The following CACNA2D3 variants were observed in gnomAD, a reference collection of about 807,000 sequenced individuals.
CACNA2D3 encodes the protein calcium voltage-gated channel auxiliary subunit alpha2delta 3, also known as voltage-dependent calcium channel subunit alpha-2/delta-3.
A neutral mutation model predicts 160.6 loss-of-function variants in CACNA2D3; 60 were observed. That is an observed-to-expected ratio of 0.37 (90% confidence interval 0.30 to 0.46). CACNA2D3 has a LOEUF of 0.46. Among genes scored for constraint, CACNA2D3 ranks in the 20% least tolerant of loss-of-function variants. CACNA2D3 has a pLI of 1.00. For synonymous variants in CACNA2D3, 558 were observed against 492.9 expected, an observed-to-expected ratio of 1.13 and a Z score of -1.75; for missense variants, 1,205 against 1,365.0, an observed-to-expected ratio of 0.88 and a Z score of 1.85.
chr3:54,199,727 A>G (rs1701144475), intron 2 of CACNA2D3, among the ~76,000 whole-genome samples: 1 of 152,166 alleles, frequency 6.6e-6, no homozygotes, highest in Non-Finnish European at 1.5e-5. Flanking sequence ...ATAGCATGCA[A>G]TTGTTAAAAA....
chr3:54,584,694 A>G (rs1251048327), intron 9 of CACNA2D3, among the ~76,000 whole-genome samples: 2 of 152,222 alleles, frequency 1.3e-5, no homozygotes, highest in African/African-American at 2.4e-5. Flanking sequence ...TGCAAACTCC[A>G]AATAGAATAA....
intron 2 of CACNA2D3, among the ~76,000 whole-genome samples, chr3:54,268,168 A>G (rs1279611178): frequency 1.3e-5 from 2 of 152,228 alleles, no homozygotes; most frequent in Non-Finnish European, 2.9e-5. Context: ...GAAGCAGCTC[A>G]TATGACAAAT....
At chr3:54,910,035 C>T (rs557549875) in intron 27 of CACNA2D3, among the ~76,000 whole-genome samples, 1 of 152,236 alleles carries the variant, frequency 6.6e-6, no homozygotes, top group East Asian at 1.9e-4. Context: ...TTCCCAATGT[C>T]TCCCAAAGTT....
At chr3:54,840,403 C>CTTTTTTT (rs1174129020) in intron 16 of CACNA2D3, among the ~76,000 whole-genome samples, 25 of 73,458 alleles carry the variant, frequency 3.4e-4, no homozygotes, top group East Asian at 9.7e-4. Context: ...AGAACCATGT[C>CTTTTTTT]TTTTTTTTTT....
rs116158804 is a variant in CACNA2D3, at chr3:54,616,468, C to A, written c.964-11319C>A. On this transcript the variant is annotated intron_variant, in intron 9 of 37. Transcript: ENST00000474759. ...GTGATAGAAGCCATAGTGTTACTTA[C>A]AACCTAATCTTGCAGGTGGCATACC... 4.5e-3 allele frequency among the ~76,000 whole-genome samples: 679 copies of A among 152,320 alleles called. 7 individuals are homozygous for A. The highest frequency in any genetic ancestry group is 0.015 in the African/African-American group (637 of 41,566).
At chr3:54,727,049 A>T (rs1175586202) in intron 11 of CACNA2D3, among the ~76,000 whole-genome samples, 1 of 152,156 alleles carries the variant, frequency 6.6e-6, no homozygotes, top group South Asian at 2.1e-4. Context: ...ATCTACAAAG[A>T]ACTGAAATGT....
chr3:54,667,635 G>A (rs1316102733), intron 11 of CACNA2D3, among the ~76,000 whole-genome samples: 2 of 152,076 alleles, frequency 1.3e-5, no homozygotes, highest in East Asian at 3.9e-4. Flanking sequence ...ATGAATATTT[G>A]GACCAGATAT....
At chr3:54,485,241 G>C (rs13082611) in intron 4 of CACNA2D3, among the ~76,000 whole-genome samples, 60,500 of 152,122 alleles carry the variant, frequency 0.4, 12,455 homozygotes, top group Middle Eastern at 0.48. Context: ...CATCATGCTT[G>C]AAGTATTATG....
chr3:54,390,684 G>C (rs989130421), intron 4 of CACNA2D3, among the ~76,000 whole-genome samples: 3 of 152,180 alleles, frequency 2.0e-5, no homozygotes, highest in African/African-American at 7.2e-5. Context: ...GATTTGTCTT[G>C]GCTTAGATGA....
At chr3:54,272,934 GTC>G (rs1478125198) in intron 2 of CACNA2D3, 5 of 152,146 alleles carry the variant, frequency 3.3e-5, no homozygotes, top group African/African-American at 1.2e-4. Flanking sequence ...CCCAGGCTTT[GTC>G]TCTCCCTGAG....
intron 8 of CACNA2D3, among the ~76,000 whole-genome samples, chr3:54,571,906 A>G (rs1702505107): frequency 6.6e-6 from 1 of 152,142 alleles, no homozygotes; most frequent in Non-Finnish European, 1.5e-5. Context: ...TGCTGGGATC[A>G]TCTGAGTTGA....
At chr3:54,209,447 A>G (rs1701331915) in intron 2 of CACNA2D3, among the ~76,000 whole-genome samples, 1 of 152,208 alleles carries the variant, frequency 6.6e-6, no homozygotes, top group African/African-American at 2.4e-5. Flanking sequence ...AGCTAATGAA[A>G]ATAGAGGTCA....
intron 13 of CACNA2D3, among the ~76,000 whole-genome samples, chr3:54,800,634 G>C (rs1702963753): frequency 6.6e-6 from 1 of 152,124 alleles, no homozygotes; most frequent in Non-Finnish European, 1.5e-5. Flanking sequence ...GACTTGTTCT[G>C]GTCTGCCCAT....
chr3:54,352,521 A>G (rs1193457648), intron 3 of CACNA2D3, among the ~76,000 whole-genome samples: 2 of 152,222 alleles, frequency 1.3e-5, no homozygotes, highest in Non-Finnish European at 2.9e-5. Context: ...CAACAAATAA[A>G]TCAGTGTGTG....
chr3:55,073,902 C>T (rs1704880075), intron 37 of CACNA2D3, 43 bp downstream of exon 37: 10 of 1,504,016 alleles, frequency 6.6e-6, no homozygotes, highest in Non-Finnish European at 9.2e-6. Context: ...CCATCAGAAT[C>T]ACCACGAGAG....
chr3:54,956,529 A>C (rs1701898183), intron 27 of CACNA2D3, among the ~76,000 whole-genome samples: 1 of 152,062 alleles, frequency 6.6e-6, no homozygotes, highest in African/African-American at 2.4e-5. Flanking sequence ...CTCGTTACCA[A>C]CCTAGGATTT....
chr3:54,373,505 A>G (rs1458263290), intron 3 of CACNA2D3, among the ~76,000 whole-genome samples: 1 of 152,208 alleles, frequency 6.6e-6, no homozygotes, highest in Non-Finnish European at 1.5e-5. Flanking sequence ...GCATGCCTAT[A>G]TTATATATGT....
chr3:54,776,911 A>G (rs1051103479), intron 13 of CACNA2D3, among the ~76,000 whole-genome samples: 1 of 152,104 alleles, frequency 6.6e-6, no homozygotes, highest in Admixed American at 6.6e-5. Context: ...GGCCAACACA[A>G]CCAAATCTGT....
rs1437317592 is a variant in CACNA2D3, at chr3:54,475,824, T to TGTGTGTGTGTGTGTGTGTGC, written c.382-27655_382-27654insTGTGTGCGTGTGTGTGTGTG. Reference sequence around the variant, plus strand: ...TGGTTACCATTTGTGTGTGTGTGTGTGTGTGTGTGTGTGACAGAGAGAGAG... The same window carrying TGTGTGTGTGTGTGTGTGTGC: ...TGGTTACCATTTGTGTGTGTGTGTGTGTGTGTGTGTGTGTGTGTGCGTGTGTGTGTGTGACAGAGAGAGAG... On this transcript the variant is annotated intron_variant, in intron 4 of 37. Coordinates refer to ENST00000474759, the MANE Select transcript of CACNA2D3 (RefSeq NM_018398.3). 3.3e-5 allele frequency among the ~76,000 whole-genome samples: 5 copies of TGTGTGTGTGTGTGTGTGTGC among 151,670 alleles called. No individual in the cohort carries two copies. The East Asian group carries it at 9.7e-4, about 29-fold the overall frequency.
Sources: gnomAD v4.1 joint callset for allele counts (sites outside exome capture counted in the v4.1 genomes callset) on GRCh38, gnomAD v4.1.1 for gene constraint, MANE v1.5 for transcripts, NCBI Gene and HGNC (gene_info 2026-07-23, HGNC 2026-07-21) for gene names.